The following TBC1D5 variants were observed in gnomAD, a reference collection of about 807,000 sequenced individuals.
TBC1D5 encodes TBC1 domain family member 5.
TBC1D5 carries 75 observed loss-of-function variants against 100.3 expected under a neutral mutation model. That is an observed-to-expected ratio of 0.75 (90% CI 0.62 to 0.91). The LOEUF is 0.91. Ranked by LOEUF, TBC1D5 falls within the 40% of genes least tolerant of loss-of-function variation. The probability of loss-of-function intolerance (pLI) is 0.00; values close to 1 mark genes in which losing one functional copy is unlikely to be tolerated. For synonymous variants in TBC1D5, 323 were observed against 325.6 expected (o/e 0.99, Z 0.09); for missense variants, 910 against 942.4 (o/e 0.97, Z 0.45).
At chr3:17,350,674 A>C (rs1268075633) in intron 13 of TBC1D5, among the ~76,000 whole-genome samples, 1 of 152,220 alleles carries the variant, frequency 6.6e-6, no homozygotes, top group African/African-American at 2.4e-5. Context: ...AGTTTATGCT[A>C]CTTAAATAAA....
intron 2 of TBC1D5, among the ~76,000 whole-genome samples, chr3:17,585,587 CA>C (rs2096727812): frequency 6.6e-6 from 1 of 152,096 alleles, no homozygotes; most frequent in Admixed American, 6.6e-5. Context: ...ACAGAAGAGA[CA>C]AAAGAAAAGG....
At chr3:17,449,547 G>A (rs2094877782) in intron 3 of TBC1D5, among the ~76,000 whole-genome samples, 1 of 152,164 alleles carries the variant, frequency 6.6e-6, no homozygotes, top group Non-Finnish European at 1.5e-5. Flanking sequence ...AGCTTGGTAG[G>A]GGAAGGGGCG....
chr3:17,484,557 G>GGTGT (rs57589115), intron 3 of TBC1D5, among the ~76,000 whole-genome samples: 1 of 145,670 alleles, frequency 6.9e-6, no homozygotes, highest in African/African-American at 2.6e-5. Context: ...GTAACACCAG[G>GGTGT]GTGTGTGTGT....
chr3:17,256,337 T>C (rs935817732), intron 16 of TBC1D5, among the ~76,000 whole-genome samples: 4 of 150,168 alleles, frequency 2.7e-5, no homozygotes, highest in Non-Finnish European at 4.4e-5. Flanking sequence ...CGACAAAAAG[T>C]GTTCCTTCCA....
chr3:17,591,262 A>AAAAG (rs2096769180), intron 2 of TBC1D5, among the ~76,000 whole-genome samples: 1 of 112,846 alleles, frequency 8.9e-6, no homozygotes, highest in Admixed American at 1.0e-4. Flanking sequence ...AAAAAAAAAA[A>AAAAG]AAAACAAAAA....
At chr3:17,427,329 A>G (rs2094356271) in intron 4 of TBC1D5, among the ~76,000 whole-genome samples, 1 of 151,982 alleles carries the variant, frequency 6.6e-6, no homozygotes, top group African/African-American at 2.4e-5. Context: ...TTCAATTACC[A>G]TCTCATTTCT....
chr3:17,503,319 C>T (rs112512741), intron 3 of TBC1D5, among the ~76,000 whole-genome samples: 2 of 149,536 alleles, frequency 1.3e-5, no homozygotes, highest in African/African-American at 5.1e-5. Flanking sequence ...TTCCTTGATC[C>T]ACCATTACCA....
chr3:17,499,047 T>TA (rs1445941550), intron 3 of TBC1D5, among the ~76,000 whole-genome samples: 1 of 152,132 alleles, frequency 6.6e-6, no homozygotes, highest in East Asian at 1.9e-4. Flanking sequence ...AGGAAGTCCT[T>TA]GAGTGATTTC....
chr3:17,183,291 C>T (rs540626087), intron 19 of TBC1D5, among the ~76,000 whole-genome samples: 88 of 152,268 alleles, frequency 5.8e-4, no homozygotes, highest in African/African-American at 2.1e-3. Context: ...TGTTTTCTGT[C>T]CCCAAAGTGA....
At chr3:17,242,859 G>C (rs1208998844) in intron 16 of TBC1D5, among the ~76,000 whole-genome samples, 2 of 152,048 alleles carry the variant, frequency 1.3e-5, no homozygotes, top group Non-Finnish European at 2.9e-5. Flanking sequence ...TAATTACTTT[G>C]AAATGAATAT....
At chr3:17,266,836 T>C (rs529214694) in intron 15 of TBC1D5, among the ~76,000 whole-genome samples, 6 of 152,152 alleles carry the variant, frequency 3.9e-5, no homozygotes. Flanking sequence ...TTAAGAATCT[T>C]AGGGCAATTG....
rs185966105 is a variant in TBC1D5 at position 17,538,680 on chromosome 3, A to T, written c.-35-30075T>A. Among the ~76,000 whole-genome samples the T allele has an allele frequency of 2.6e-5, 4 of 152,242 alleles. No homozygotes were observed. In the East Asian group the frequency reaches 7.7e-4, roughly 29 times the overall value. Reference sequence around the variant, plus strand: ...AGTTGTTGCAGACCCATAAAGATTCACCACTGCTAACAGGTGGATTCAAAG... The same window carrying T: ...AGTTGTTGCAGACCCATAAAGATTCTCCACTGCTAACAGGTGGATTCAAAG... On this transcript the variant is annotated intron_variant, in intron 2 of 21. Transcript: ENST00000253692.
intron 3 of TBC1D5, among the ~76,000 whole-genome samples, chr3:17,434,534 C>T (rs930588178): frequency 6.6e-6 from 1 of 152,196 alleles, no homozygotes; most frequent in Non-Finnish European, 1.5e-5. Flanking sequence ...CACTGTACCC[C>T]CTCCCAAATC....
chr3:17,304,476 C>A (rs1326048589), intron 14 of TBC1D5, among the ~76,000 whole-genome samples: 1 of 152,146 alleles, frequency 6.6e-6, no homozygotes, highest in Non-Finnish European at 1.5e-5. Context: ...GGCGCAATCA[C>A]GGCTCACTGC....
intron 4 of TBC1D5, among the ~76,000 whole-genome samples, chr3:17,413,904 C>T (rs1469719545): frequency 1.3e-5 from 2 of 152,074 alleles, no homozygotes; most frequent in African/African-American, 4.8e-5. Flanking sequence ...GATCTCTAAT[C>T]ATTGGTTAAG....
chr3:17,420,286 A>G (rs896256708), intron 4 of TBC1D5, among the ~76,000 whole-genome samples: 3 of 152,186 alleles, frequency 2.0e-5, no homozygotes, highest in African/African-American at 7.2e-5. Flanking sequence ...AAAATGGGGA[A>G]ATATAATTAT....
intron 3 of TBC1D5, among the ~76,000 whole-genome samples, chr3:17,457,050 G>C (rs968335690): frequency 6.6e-6 from 1 of 151,888 alleles, no homozygotes; most frequent in African/African-American, 2.4e-5. Flanking sequence ...AGAATCTTTT[G>C]CATTTGTTTT....
intron 13 of TBC1D5, among the ~76,000 whole-genome samples, chr3:17,343,108 A>C (rs1201877057): frequency 6.6e-6 from 1 of 152,142 alleles, no homozygotes; most frequent in African/African-American, 2.4e-5. Context: ...TGGGTTTGTC[A>C]TAGATAGCTC....
intron 3 of TBC1D5, among the ~76,000 whole-genome samples, chr3:17,467,810 T>C (rs1038027346): frequency 1.3e-5 from 2 of 151,958 alleles, no homozygotes; most frequent in African/African-American, 4.8e-5. Context: ...GACATGAGAA[T>C]TGCTCAAACC....
Sources: allele counts gnomAD v4.1 joint callset (sites outside exome capture counted in the v4.1 genomes callset), GRCh38; gene constraint gnomAD v4.1.1; transcripts MANE v1.5; gene names NCBI Gene and HGNC (gene_info 2026-07-23, HGNC 2026-07-21).